Variants in MARK3 observed in about 807,000 individuals in gnomAD.
The protein encoded by MARK3 is MAP/microtubule affinity-regulating kinase 3.
MARK3 carries 46 observed loss-of-function variants against 90.1 expected under a neutral mutation model. That is an observed-to-expected ratio of 0.51 (90% CI 0.40 to 0.65). The LOEUF is 0.65. Ranked by LOEUF, MARK3 falls within the 30% of genes least tolerant of loss-of-function variation. MARK3 has a pLI of 0.00. For synonymous variants in MARK3, 321 were observed against 332.6 expected (o/e 0.97, Z 0.38); for missense variants, 818 against 947.2 (o/e 0.86, Z 1.79).
chr14:103,432,816 C>T (rs1419454117), intron 3 of MARK3, among the ~76,000 whole-genome samples: 2 of 152,036 alleles, frequency 1.3e-5, no homozygotes, highest in Non-Finnish European at 2.9e-5. Flanking sequence ...TGATGGTGCC[C>T]CTGCATTCCA....
At chr14:103,482,573 A>G (rs963814224) in intron 14 of MARK3, among the ~76,000 whole-genome samples, 2 of 152,024 alleles carry the variant, frequency 1.3e-5, no homozygotes, top group Admixed American at 6.6e-5. Context: ...CTGAAAATGC[A>G]CTACCCAGCT....
rs2141577152 is a variant in MARK3 at position 103,465,673 on chromosome 14, A to G, written c.657A>G (p.Ala219=). Residue 219 remains alanine, a synonymous_variant, in exon 8 of 18, where the codon GCA becomes GCG. Coordinates refer to ENST00000429436, the MANE Select transcript of MARK3 (RefSeq NM_001128918.3). ...LDTFCGSPPY[A]APELFQGKKY... Reference sequence around the variant, plus strand: ...CGTTTTGTGGCAGTCCTCCATACGCAGCACCTGAGCTCTTCCAGGGCAAGA... The same window carrying G: ...CGTTTTGTGGCAGTCCTCCATACGCGGCACCTGAGCTCTTCCAGGGCAAGA... 6.2e-7 allele frequency: 1 copy of G among 1,614,180 alleles called. No homozygotes were observed. The highest frequency in any genetic ancestry group is 8.5e-7 in the Non-Finnish European group (1 of 1,180,036).
intron 7 of MARK3, among the ~76,000 whole-genome samples, chr14:103,463,931 T>A (rs1243235449): frequency 1.3e-5 from 2 of 152,326 alleles, no homozygotes; most frequent in Non-Finnish European, 2.9e-5. Context: ...GTCTTTCAAT[T>A]TCTTGTGTGA....
intron 3 of MARK3, chr14:103,429,365 A>T (rs1219892177): frequency 6.6e-6 from 1 of 152,238 alleles, no homozygotes; most frequent in African/African-American, 2.4e-5. Flanking sequence ...TCATCTTCTT[A>T]TGATGGATGT....
intron 2 of MARK3, among the ~76,000 whole-genome samples, chr14:103,423,679 T>A (rs2092305123): frequency 6.6e-6 from 1 of 152,106 alleles, no homozygotes; most frequent in Non-Finnish European, 1.5e-5. Flanking sequence ...GTGATTTTGG[T>A]GGAGTCATCC....
chr14:103,502,745 ATGTGAGTCTG>A, intron 17 of MARK3, 127 bp from the exon 18 acceptor site: 1 of 661,726 alleles, frequency 1.5e-6, no homozygotes, highest in Non-Finnish European at 2.5e-6. Flanking sequence ...TTAGTTACAA[ATGTGAGTCTG>A]TGCAGGAAAA....
At chr14:103,460,299 A>T (rs1237000297) in intron 6 of MARK3, among the ~76,000 whole-genome samples, 1 of 151,464 alleles carries the variant, frequency 6.6e-6, no homozygotes, top group Non-Finnish European at 1.5e-5. Flanking sequence ...GTTAGTCAGG[A>T]TGGTCTCGAT....
At chr14:103,451,103 G>C (rs1023772854) in intron 4 of MARK3, among the ~76,000 whole-genome samples, 3 of 151,048 alleles carry the variant, frequency 2.0e-5, no homozygotes, top group African/African-American at 7.3e-5. Flanking sequence ...GCTAATTTTT[G>C]GCATTTTTTT....
rs188891162 is a variant in MARK3, at chr14:103,477,491, C to T, written c.1482+2281C>T. Among the ~76,000 whole-genome samples, 295 of 149,648 alleles carry T rather than the reference C, an allele frequency of 2.0e-3. 2 individuals carry two copies. Among genetic ancestry groups the T allele is most frequent in the Admixed American group, 4.2e-3 (64 of 15,148 alleles). On this transcript the variant is annotated intron_variant, in intron 13 of 17. Coordinates refer to ENST00000429436, the MANE Select transcript of MARK3 (RefSeq NM_001128918.3). ...TGGGTAACAGAGCGAGACTCCATCT[C>T]AAAAAATAAAAAAAAAAGTCCATAG...
chr14:103,489,401 G>C (rs2093981472), intron 14 of MARK3: 2 of 152,298 alleles, frequency 1.3e-5, no homozygotes, highest in Admixed American at 1.3e-4. Context: ...CGAGGAGACT[G>C]AACTTTTTAC....
intron 14 of MARK3, among the ~76,000 whole-genome samples, chr14:103,484,580 A>G (rs1320857849): frequency 2.0e-5 from 3 of 152,228 alleles, no homozygotes; most frequent in Admixed American, 6.5e-5. Flanking sequence ...TCACATAGAG[A>G]TTGAGCAGAG....
At chr14:103,445,568 T>C (rs2092973498) in intron 3 of MARK3, among the ~76,000 whole-genome samples, 1 of 152,202 alleles carries the variant, frequency 6.6e-6, no homozygotes, top group Non-Finnish European at 1.5e-5. Context: ...CTGGTCCCAT[T>C]TACCTGTCCT....
At chr14:103,421,210 A>G (rs1451325177) in intron 2 of MARK3, among the ~76,000 whole-genome samples, 1 of 152,200 alleles carries the variant, frequency 6.6e-6, no homozygotes, top group Non-Finnish European at 1.5e-5. Flanking sequence ...ATAGTAAAGA[A>G]GGTGTTCTTA....
At chr14:103,452,510 C>T (rs2093173991) in intron 5 of MARK3, among the ~76,000 whole-genome samples, 1 of 89,728 alleles carries the variant, frequency 1.1e-5, no homozygotes, top group Non-Finnish European at 2.7e-5. Flanking sequence ...CTCGCTCTGT[C>T]GCCCAGGCTG....
At chr14:103,403,327 TGTGTGTGTG>T (rs892807711) in intron 1 of MARK3, among the ~76,000 whole-genome samples, 5 of 248 alleles carry the variant, frequency 0.02, no homozygotes, top group Non-Finnish European at 0.036. Context: ...AGTGCCTGGT[TGTGTGTGTG>T]TGTGTGTGTG....
intron 2 of MARK3, among the ~76,000 whole-genome samples, chr14:103,410,114 T>G (rs2091543506): frequency 6.6e-6 from 1 of 152,236 alleles, no homozygotes; most frequent in Admixed American, 6.5e-5. Flanking sequence ...TCTGAAGGTC[T>G]CAATCTGTTT....
intron 5 of MARK3, among the ~76,000 whole-genome samples, chr14:103,452,527 A>C (rs2093174651): frequency 7.9e-6 from 1 of 126,746 alleles, no homozygotes; most frequent in Non-Finnish European, 1.6e-5. Flanking sequence ...GCTGGAGTGC[A>C]GTGGCGCGAT....
At position 103,477,267 on chromosome 14, in the gene MARK3, G is replaced by A. The variant is rs968629002; in HGVS notation, c.1482+2057G>A. ...TGCACTGTGGGAGGCCAAAGTGGGC[G>A]GATCACTTGAGGTCAGGAGTTCAAG... On this transcript the variant is annotated intron_variant, in intron 13 of 17. Coordinates refer to ENST00000429436, the MANE Select transcript of MARK3 (RefSeq NM_001128918.3). Among the ~76,000 whole-genome samples, 19 of 152,130 alleles carry A rather than the reference G, an allele frequency of 1.2e-4. No homozygotes were observed. The South Asian group carries it at 2.1e-3, about 17-fold the overall frequency.
intron 3 of MARK3, among the ~76,000 whole-genome samples, chr14:103,433,088 C>CTTTTTTTTTTTT (rs371171878): frequency 8.6e-6 from 1 of 116,020 alleles, no homozygotes. Flanking sequence ...CTTTTCTTTT[C>CTTTTTTTTTTTT]TTTTCTTTTT....
Sources: allele counts gnomAD v4.1 joint callset (sites outside exome capture counted in the v4.1 genomes callset), GRCh38; gene constraint gnomAD v4.1.1; transcripts MANE v1.5; gene names NCBI Gene and HGNC (gene_info 2026-07-23, HGNC 2026-07-21).